Variants in MCF2L observed in about 807,000 individuals in gnomAD.
MCF2L encodes the protein MCF.2 cell line derived transforming sequence like, also known as guanine nucleotide exchange factor DBS.
MCF2L carries 97 observed loss-of-function variants against 153.4 expected under a neutral mutation model. That is an observed-to-expected ratio of 0.63 (90% confidence interval 0.54 to 0.75). MCF2L has a LOEUF of 0.75. Ranked by LOEUF, MCF2L falls within the 30% of genes least tolerant of loss-of-function variation. The pLI, the probability that MCF2L is intolerant of heterozygous loss-of-function variation, is 0.00. For missense variants in MCF2L, 1,347 were observed against 1,495.2 expected, an observed-to-expected ratio of 0.90 and a Z score of 1.64; for synonymous variants, 659 against 632.2, an observed-to-expected ratio of 1.04 and a Z score of -0.64.
At chr13:112,938,182 GCGC>G in intron 2 of MCF2L, among the ~76,000 whole-genome samples, 1 of 133,608 alleles carries the variant, frequency 7.5e-6, no homozygotes, top group Non-Finnish European at 1.6e-5. Flanking sequence ...GTTCAGGTGA[GCGC>G]TGAGGGGTTG....
chr13:112,964,140 C>G (rs2081865936), intron 2 of MCF2L, among the ~76,000 whole-genome samples: 1 of 152,172 alleles, frequency 6.6e-6, no homozygotes, highest in African/African-American at 2.4e-5. Flanking sequence ...TGGGGCTGTG[C>G]ATAGCCCACC....
At position 112,904,158 on chromosome 13, in the gene MCF2L, G is replaced by C. The variant is rs1474934360; in HGVS notation, c.169+1787G>C. Among the ~76,000 whole-genome samples, 3 of 152,156 alleles carry C rather than the reference G, an allele frequency of 2.0e-5. No individual in the cohort carries two copies. Among genetic ancestry groups the C allele is most frequent in the Middle Eastern group, 3.2e-3 (1 of 316 alleles). On this transcript the variant is annotated intron_variant, in intron 2 of 29. Transcript: ENST00000375608. The surrounding 1 kb of genome is among the most constrained non-coding windows in gnomAD (Gnocchi z 4.2). Reference sequence around the variant, plus strand: ...GGGTTAGGGTTAGAGGTTAAGGTTAGGGTTAGGGGTTGGGACTGGGGTAGG... The same window carrying C: ...GGGTTAGGGTTAGAGGTTAAGGTTACGGTTAGGGGTTGGGACTGGGGTAGG...
exon 2 of MCF2L, chr13:112,902,231 G>A (rs2081126194): frequency 6.2e-7 from 1 of 1,612,718 alleles, no homozygotes; most frequent in Admixed American, 1.7e-5. Context: ...TTTATCCTGT[G>A]CAAGAGACCT....
chr13:112,955,704 C>T (rs963732204), intron 2 of MCF2L, among the ~76,000 whole-genome samples: 1 of 152,156 alleles, frequency 6.6e-6, no homozygotes, highest in Admixed American at 6.5e-5. Flanking sequence ...TGTTTCCATT[C>T]CCCAAAAGAG....
At chr13:113,004,726 T>C (rs1056428424) in intron 1 of MCF2L, among the ~76,000 whole-genome samples, 2 of 152,176 alleles carry the variant, frequency 1.3e-5, no homozygotes, top group Non-Finnish European at 2.9e-5. Context: ...GCAGGGCCAG[T>C]GAGTGTCTTT....
intron 1 of MCF2L, among the ~76,000 whole-genome samples, chr13:112,898,449 G>A (rs181822374): frequency 1.9e-4 from 29 of 152,254 alleles, no homozygotes; most frequent in Admixed American, 1.2e-3. Flanking sequence ...AACCGAGCTC[G>A]GCAGGTGCCG....
chr13:113,020,786 G>A (rs1049983965), intron 2 of MCF2L, among the ~76,000 whole-genome samples: 1 of 104,496 alleles, frequency 9.6e-6, no homozygotes, highest in African/African-American at 3.5e-5. Context: ...GTAGCTGTGT[G>A]TATGTGTAGA....
At chr13:112,931,488 G>A (rs904039033) in intron 2 of MCF2L, among the ~76,000 whole-genome samples, 6 of 152,140 alleles carry the variant, frequency 3.9e-5, no homozygotes, top group African/African-American at 1.4e-4. Context: ...GCAGGTGTGC[G>A]GCGTCAGTGT....
At chr13:113,001,495 G>C (rs1192870125) in intron 1 of MCF2L, 3 of 174,854 alleles carry the variant, frequency 1.7e-5, no homozygotes, top group East Asian at 3.2e-4. Flanking sequence ...TGTGGGGCTG[G>C]CTCGGGGGAC....
chr13:112,968,627 G>A (rs772255941), upstream of MCF2L: 42 of 1,527,910 alleles, frequency 2.7e-5, no homozygotes, highest in Non-Finnish European at 3.5e-5. Context: ...ACCTGGGCGC[G>A]GCGCGGGTGG....
At chr13:112,922,727 T>C (rs936172408) in intron 2 of MCF2L, among the ~76,000 whole-genome samples, 1 of 152,094 alleles carries the variant, frequency 6.6e-6, no homozygotes, top group African/African-American at 2.4e-5. Flanking sequence ...CCCAACTACT[T>C]GGGAGGCTGA....
At position 113,064,822 on chromosome 13, in the gene MCF2L, C is replaced by A; in HGVS notation, c.607-114C>A. The A allele has an allele frequency of 1.7e-6, 2 of 1,205,986 alleles. No homozygotes were observed. The highest frequency in any genetic ancestry group is 2.3e-6 in the Non-Finnish European group (2 of 866,626). The allele number at this position is 1,205,986 out of a possible 1,614,324, so 74.7% of individuals were successfully genotyped here. A position where few individuals can be genotyped will look rare whatever the true frequency, so the allele number is the denominator to read the frequency against. On this transcript the variant is annotated intron_variant, in intron 6 of 29. Coordinates refer to ENST00000535094, the MANE Select transcript of MCF2L (RefSeq NM_001112732.3). The surrounding 1 kb of genome is among the most constrained non-coding windows in gnomAD (Gnocchi z 6.0). ...GGGCGTTCACCGTCTTTGCGTCAGC[C>A]GGTCTCACCTGATGGGTCTGTGTGG... is the stretch of plus-strand genomic sequence containing the variant.
At chr13:112,956,185 G>A (rs899039900) in intron 2 of MCF2L, 4 of 156,842 alleles carry the variant, frequency 2.6e-5, no homozygotes, top group Admixed American at 6.4e-5. Context: ...AAGCCTGGGC[G>A]CAGGCACGGG....
chr13:113,021,972 A>G (rs2084912795), intron 2 of MCF2L, among the ~76,000 whole-genome samples: 2 of 152,142 alleles, frequency 1.3e-5, no homozygotes, highest in Non-Finnish European at 2.9e-5. Context: ...GTGCGATTTC[A>G]GCTCCGGGTC....
chr13:113,013,106 G>A (rs1035745796), intron 1 of MCF2L, among the ~76,000 whole-genome samples: 1 of 152,128 alleles, frequency 6.6e-6, no homozygotes, highest in African/African-American at 2.4e-5. Context: ...AAAACTTACC[G>A]TAAAATCTGA....
intron 1 of MCF2L, among the ~76,000 whole-genome samples, chr13:112,977,585 A>C (rs1379015849): frequency 6.6e-6 from 1 of 152,242 alleles, no homozygotes; most frequent in East Asian, 1.9e-4. Flanking sequence ...AGGACATTGA[A>C]TGATGAACGT....
intron 2 of MCF2L, among the ~76,000 whole-genome samples, chr13:112,911,071 G>GT (rs2081226579): frequency 6.6e-6 from 1 of 152,198 alleles, no homozygotes; most frequent in Admixed American, 6.5e-5. Flanking sequence ...GCTCCCCGGC[G>GT]TCAGCTGGTG....
At chr13:112,968,955 C>T (rs758404746), upstream of MCF2L, 5 of 462,340 alleles carry the variant, frequency 1.1e-5, no homozygotes, top group Non-Finnish European at 1.8e-5. Context: ...CACTAGGTGA[C>T]CTAGTGACAC....
chr13:113,037,523 G>C (rs979702136), intron 3 of MCF2L, among the ~76,000 whole-genome samples: 1 of 152,320 alleles, frequency 6.6e-6, no homozygotes, highest in South Asian at 2.1e-4. Flanking sequence ...AAATGTTTCT[G>C]TTAGATGGAA....
Sources: allele counts gnomAD v4.1 joint callset (sites outside exome capture counted in the v4.1 genomes callset), GRCh38; gene constraint gnomAD v4.1.1; non-coding constraint Gnocchi (gnomAD v3.1); transcripts MANE v1.5; gene names NCBI Gene and HGNC (gene_info 2026-07-23, HGNC 2026-07-21).